SLC1A2: variants seen among roughly 807,000 people sequenced by gnomAD.
SLC1A2 encodes excitatory amino acid transporter 2.
In SLC1A2, 15 loss-of-function variants were observed where a neutral mutation model predicts 48.8. That is an observed-to-expected ratio of 0.31 (90% confidence interval 0.21 to 0.47). SLC1A2 has a LOEUF of 0.47. Among genes scored for constraint, SLC1A2 ranks in the 20% least tolerant of loss-of-function variants. The pLI is 0.99. For missense variants in SLC1A2, 502 were observed against 730.5 expected (o/e 0.69, Z 3.61); for synonymous variants, 279 against 272.6 (o/e 1.02, Z -0.23).
At chr11:35,366,642 T>A (rs7107752) in intron 1 of SLC1A2, among the ~76,000 whole-genome samples, 1 of 152,016 alleles carries the variant, frequency 6.6e-6, no homozygotes, top group Non-Finnish European at 1.5e-5. Flanking sequence ...CATTCCCTGA[T>A]TGATGTTTCC....
chr11:35,396,745 C>T (rs1055076140), intron 1 of SLC1A2, among the ~76,000 whole-genome samples: 3 of 152,110 alleles, frequency 2.0e-5, no homozygotes, highest in Non-Finnish European at 4.4e-5. Flanking sequence ...GACATGAAGT[C>T]CTTGCCCATG....
rs980773548 is a variant in SLC1A2 at position 35,252,005 on chromosome 11, T to G, written c.*8889A>C. 8 of 152,554 alleles carry G rather than the reference T, an allele frequency of 5.2e-5. No homozygotes were observed. The highest frequency in any genetic ancestry group is 1.9e-4 in the African/African-American group (8 of 41,422). 9.5% of individuals were successfully genotyped at this position (152,554 alleles called of 1,614,324 possible). The stretch of plus-strand genomic sequence containing the variant: ...TTCAAAACATGCACACAGAACATAT[T>G]AGGTAGAGAACGTCATACTCCCTCA... On this transcript the variant is annotated 3_prime_UTR_variant, in exon 11 of 11. Transcript: ENST00000278379.
chr11:35,311,960 C>T (rs554337840), intron 4 of SLC1A2, among the ~76,000 whole-genome samples: 21 of 123,914 alleles, frequency 1.7e-4, no homozygotes, highest in African/African-American at 6.0e-4. Context: ...AGGACAATCC[C>T]ACAGCAAAAA....
At chr11:35,411,388 A>T (rs1233990769) in intron 1 of SLC1A2, among the ~76,000 whole-genome samples, 2 of 152,236 alleles carry the variant, frequency 1.3e-5, no homozygotes, top group Non-Finnish European at 2.9e-5. Context: ...GGTTTTGTTC[A>T]TGTTGATGTC....
At chr11:35,380,808 T>C (rs969193260) in intron 1 of SLC1A2, among the ~76,000 whole-genome samples, 1 of 152,198 alleles carries the variant, frequency 6.6e-6, no homozygotes, top group Non-Finnish European at 1.5e-5. Flanking sequence ...TCTGGGTATT[T>C]TTAGAATCTG....
intron 1 of SLC1A2, among the ~76,000 whole-genome samples, chr11:35,410,992 A>G (rs1855442808): frequency 6.6e-6 from 1 of 152,208 alleles, no homozygotes; most frequent in African/African-American, 2.4e-5. Context: ...TGTGAAAAGA[A>G]TCTAAAGTTC....
chr11:35,302,431 C>G (rs560740661), intron 5 of SLC1A2, among the ~76,000 whole-genome samples: 1 of 152,134 alleles, frequency 6.6e-6, no homozygotes, highest in Non-Finnish European at 1.5e-5. Context: ...CTCTTTTCTT[C>G]CTTTACTTGA....
In SLC1A2 at chr11:35,256,642, T is replaced by A. The variant is rs967147736; in HGVS notation, c.*4252A>T. ...TTTTTTAACTTAGTCTTCTTCTGCC[T>A]CCAGACTCTAGCATTCTTATTCAAG... On this transcript the variant is annotated 3_prime_UTR_variant, in exon 11 of 11. Coordinates refer to ENST00000278379, the MANE Select transcript of SLC1A2 (RefSeq NM_004171.4). The A allele has an allele frequency of 6.6e-5, 10 of 152,124 alleles. No homozygotes were observed. Among genetic ancestry groups the A allele is most frequent in the Non-Finnish European group, 1.3e-4 (9 of 68,016 alleles). 9.4% of individuals were successfully genotyped at this position (152,124 alleles called of 1,614,324 possible).
In SLC1A2 at chr11:35,315,360, A is replaced by G. The variant is rs138951206; in HGVS notation, c.158-185T>C. On this transcript the variant is annotated intron_variant, in intron 2 of 10. Transcript: ENST00000278379. Reference sequence around the variant, plus strand: ...TTGATGACTAGCAAGAGAACTTTCTATACCTCCAACTATTCTTAAAAAGTC... The same window carrying G: ...TTGATGACTAGCAAGAGAACTTTCTGTACCTCCAACTATTCTTAAAAAGTC... 25 of 498,112 alleles carry G rather than the reference A, an allele frequency of 5.0e-5. No homozygotes were observed. In the East Asian group the frequency reaches 8.0e-4, roughly 16 times the overall value. The allele number at this position is 498,112 out of a possible 1,614,324, so 30.9% of individuals were successfully genotyped here.
chr11:35,312,135 T>A, intron 4 of SLC1A2, 63 bp downstream of exon 4: 1 of 1,546,958 alleles, frequency 6.5e-7, no homozygotes, highest in Non-Finnish European at 8.9e-7. Context: ...TAAAATACTC[T>A]TAAGTTATCG....
intron 1 of SLC1A2, chr11:35,352,497 G>T (rs11033087): frequency 0.38 from 58,266 of 152,158 alleles, 11,276 homozygotes; most frequent in South Asian, 0.54. Context: ...AGCCCCAGAG[G>T]TCACAGACAG....
chr11:35,285,151 G>A (rs1055489530), intron 8 of SLC1A2, among the ~76,000 whole-genome samples: 10 of 152,208 alleles, frequency 6.6e-5, no homozygotes, highest in Non-Finnish European at 1.3e-4. Context: ...CTATTCTAAT[G>A]TCTTTTTTTG....
chr11:35,399,662 G>A, intron 1 of SLC1A2: 1 of 930,060 alleles, frequency 1.1e-6, no homozygotes, highest in Non-Finnish European at 1.3e-6. Flanking sequence ...AAAATAGAGG[G>A]GATATTCAGC....
Position 35,414,842 on chromosome 11 carries a change from C to T in SLC1A2, c.17+4108G>A, listed in dbSNP as rs116600632. 2.3e-3 allele frequency among the ~76,000 whole-genome samples: 353 copies of T among 152,248 alleles called. 2 individuals are homozygous for T. The highest frequency in any genetic ancestry group is 7.9e-3 in the African/African-American group (327 of 41,532). ...AGTAGATTAAAATAATTGTAGCAGG[C>T]GACTGAAATGAAGAATAGTTTCAGC... On this transcript the variant is annotated intron_variant, in intron 1 of 10. Transcript: ENST00000278379.
intron 1 of SLC1A2, among the ~76,000 whole-genome samples, chr11:35,360,968 C>T (rs552667976): frequency 6.6e-5 from 10 of 152,132 alleles, no homozygotes; most frequent in South Asian, 4.2e-4. Context: ...GTCCACCTCC[C>T]GGGCTCAAGT....
chr11:35,369,945 T>C (rs1187403768), intron 1 of SLC1A2, among the ~76,000 whole-genome samples: 1 of 152,144 alleles, frequency 6.6e-6, no homozygotes, highest in East Asian at 1.9e-4. Context: ...ATCAAGAATT[T>C]GGGATAAGGT....
At chr11:35,286,358 C>CAAA (rs1208299201) in intron 8 of SLC1A2, 1 of 155,532 alleles carries the variant, frequency 6.4e-6, no homozygotes, top group African/African-American at 2.4e-5. Context: ...CTGATGTTGG[C>CAAA]CTCAGTTACA....
intron 6 of SLC1A2, among the ~76,000 whole-genome samples, chr11:35,296,677 C>T (rs965492834): frequency 1.3e-5 from 2 of 152,062 alleles, no homozygotes; most frequent in Non-Finnish European, 2.9e-5. Flanking sequence ...TTCTGACCCT[C>T]AAAAGGCTTT....
At chr11:35,317,117 T>C in intron 2 of SLC1A2, 1 of 443,904 alleles carries the variant, frequency 2.3e-6, no homozygotes, top group Non-Finnish European at 4.1e-6. Context: ...TCTCCATAAG[T>C]ATAGGAATCC....
Sources: gnomAD v4.1 joint callset for allele counts (sites outside exome capture counted in the v4.1 genomes callset) on GRCh38, gnomAD v4.1.1 for gene constraint, MANE v1.5 for transcripts, NCBI Gene and HGNC (gene_info 2026-07-23, HGNC 2026-07-21) for gene names.